PDE4B: variants seen among roughly 807,000 people sequenced by gnomAD.
PDE4B encodes the protein phosphodiesterase 4B.
PDE4B carries 20 observed loss-of-function variants against 82.2 expected under a neutral mutation model. The observed-to-expected ratio is 0.24, with a 90% CI of 0.17 to 0.35. The LOEUF (loss-of-function observed/expected upper bound fraction) is 0.35, where lower values mean the gene tolerates loss of function less well. Among genes scored for constraint, PDE4B ranks in the 10% least tolerant of loss-of-function variants. The pLI, the probability that PDE4B is intolerant of heterozygous loss-of-function variation, is 1.00. For missense variants in PDE4B, 655 were observed against 907.2 expected, an observed-to-expected ratio of 0.72 and a Z score of 3.57; for synonymous variants, 320 against 318.9, an observed-to-expected ratio of 1.00 and a Z score of -0.04.
At chr1:66,021,989 G>A (rs1033492951) in intron 3 of PDE4B, among the ~76,000 whole-genome samples, 1 of 152,018 alleles carries the variant, frequency 6.6e-6, no homozygotes, top group Non-Finnish European at 1.5e-5. Flanking sequence ...TTATTTTGTT[G>A]AGCAGTGGTT....
At position 65,882,266 on chromosome 1, in the gene PDE4B, C is replaced by T. The variant is rs377239380; in HGVS notation, c.-70-30979C>T. Among the ~76,000 whole-genome samples, 70 of 152,266 alleles carry T rather than the reference C, an allele frequency of 4.6e-4. 1 individual carries two copies. Among genetic ancestry groups the T allele is most frequent in the African/African-American group, 1.5e-3 (63 of 41,574 alleles). On this transcript the variant is annotated intron_variant, in intron 1 of 16. Coordinates refer to ENST00000341517, the MANE Select transcript of PDE4B (RefSeq NM_002600.4). ...GTGCATCTGTTGCTGACTTTAAAAA[C>T]GCAATTACTAAACTGAAGCTGTTTC...
chr1:66,239,185 T>C (rs1204849100), intron 3 of PDE4B, among the ~76,000 whole-genome samples: 1 of 152,238 alleles, frequency 6.6e-6, no homozygotes, highest in African/African-American at 2.4e-5. Flanking sequence ...ATTTTACTAA[T>C]AGAGCATTTA....
At chr1:65,912,387 C>G (rs970327308) in intron 1 of PDE4B, among the ~76,000 whole-genome samples, 1 of 152,122 alleles carries the variant, frequency 6.6e-6, no homozygotes, top group Non-Finnish European at 1.5e-5. Flanking sequence ...CTTTTACCCC[C>G]CTCCCACTCT....
intron 3 of PDE4B, among the ~76,000 whole-genome samples, chr1:65,995,417 C>G (rs1651486245): frequency 6.6e-6 from 1 of 152,012 alleles, no homozygotes; most frequent in Non-Finnish European, 1.5e-5. Flanking sequence ...AAAAATTTTG[C>G]CTTTCCCGGG....
chr1:65,794,971 A>G (rs1645614350), intron 1 of PDE4B, among the ~76,000 whole-genome samples: 1 of 152,198 alleles, frequency 6.6e-6, no homozygotes, highest in Non-Finnish European at 1.5e-5. Context: ...AAATTTCTCT[A>G]GAGAGTAACC....
At chr1:66,164,598 G>A (rs1349760386) in intron 3 of PDE4B, among the ~76,000 whole-genome samples, 29 of 124,228 alleles carry the variant, frequency 2.3e-4, no homozygotes, top group Non-Finnish European at 4.2e-4. Flanking sequence ...AGAAAGAAAA[G>A]ACCAGCGATC....
intron 16 of PDE4B, among the ~76,000 whole-genome samples, chr1:66,371,135 A>ATATATATATATATATATAT (rs1570800975): frequency 1.6e-5 from 1 of 63,704 alleles, no homozygotes; most frequent in Admixed American, 1.9e-4. Context: ...TATATATATA[A>ATATATATATATATATATAT]TTTTATTTAT....
In PDE4B at chr1:65,875,792, G is replaced by A. The variant is rs1371187438; in HGVS notation, c.-70-37453G>A. The stretch of plus-strand genomic sequence containing the variant: ...CAGGAAGGGGAACATCACACTCTGG[G>A]GACTGTGGTGGGGTGGGGGGAGGGG... On this transcript the variant is annotated intron_variant, in intron 1 of 16. Coordinates refer to ENST00000341517, the MANE Select transcript of PDE4B (RefSeq NM_002600.4). Among the ~76,000 whole-genome samples, 39 of 130,850 alleles carry A rather than the reference G, an allele frequency of 3.0e-4. 2 individuals are homozygous for A. Among genetic ancestry groups the A allele is most frequent in the African/African-American group, 1.0e-3 (36 of 35,674 alleles). The allele number at this position is 130,850 out of a possible 152,430, so 85.8% of individuals were successfully genotyped here.
At chr1:65,942,554 T>C (rs1253939814) in intron 3 of PDE4B, among the ~76,000 whole-genome samples, 1 of 151,998 alleles carries the variant, frequency 6.6e-6, no homozygotes, top group Admixed American at 6.6e-5. Context: ...AGTAGTGAGA[T>C]TTCTGGGTCA....
chr1:65,907,521 C>T (rs1236311081), intron 1 of PDE4B, among the ~76,000 whole-genome samples: 1 of 152,096 alleles, frequency 6.6e-6, no homozygotes, highest in Non-Finnish European at 1.5e-5. Flanking sequence ...GCAGTTCAGG[C>T]TCTGCTTTAT....
chr1:66,164,559 A>AAAAG (rs1187534564), intron 3 of PDE4B, among the ~76,000 whole-genome samples: 2,071 of 124,922 alleles, frequency 0.017, 26 homozygotes, highest in East Asian at 0.036. Context: ...AAAAAAAAAA[A>AAAAG]AAAGAAAGAA....
intron 1 of PDE4B, among the ~76,000 whole-genome samples, chr1:65,848,716 A>G (rs1481669272): frequency 1.3e-5 from 2 of 152,182 alleles, no homozygotes; most frequent in African/African-American, 4.8e-5. Context: ...ATGTACTAAT[A>G]GTTCATTCAT....
chr1:66,138,050 C>A (rs1646094095), intron 3 of PDE4B, among the ~76,000 whole-genome samples: 1 of 152,158 alleles, frequency 6.6e-6, no homozygotes, highest in Admixed American at 6.6e-5. Flanking sequence ...CTGACTTAAA[C>A]ACAGATATTA....
At chr1:65,854,471 G>T (rs1189400561) in intron 1 of PDE4B, among the ~76,000 whole-genome samples, 28 of 149,626 alleles carry the variant, frequency 1.9e-4, no homozygotes, top group Non-Finnish European at 3.6e-4. Flanking sequence ...TTCTGAATGT[G>T]TTTATTTTGC....
chr1:66,348,608 G>A (rs1427727270), intron 8 of PDE4B, among the ~76,000 whole-genome samples: 3 of 151,032 alleles, frequency 2.0e-5, no homozygotes, highest in African/African-American at 4.9e-5. Context: ...TGTATGGCCT[G>A]GAAATCCAAT....
chr1:65,882,616 T>A (rs1310006852), intron 1 of PDE4B, among the ~76,000 whole-genome samples: 1 of 51,404 alleles, frequency 1.9e-5, no homozygotes, highest in Non-Finnish European at 3.7e-5. Context: ...ATTTATAATG[T>A]AAGGGTACAT....
chr1:66,204,621 C>T (rs1361245347), intron 3 of PDE4B, among the ~76,000 whole-genome samples: 1 of 152,222 alleles, frequency 6.6e-6, no homozygotes, highest in Non-Finnish European at 1.5e-5. Context: ...ATCAACGAGA[C>T]TCCATGGGCG....
At chr1:66,086,437 G>A (rs1657013323) in intron 3 of PDE4B, among the ~76,000 whole-genome samples, 2 of 152,062 alleles carry the variant, frequency 1.3e-5, no homozygotes, top group South Asian at 4.1e-4. Context: ...GGCCAGGGCT[G>A]GGAATTTACT....
At chr1:65,989,952 A>AT (rs910594355) in intron 3 of PDE4B, among the ~76,000 whole-genome samples, 63 of 138,646 alleles carry the variant, frequency 4.5e-4, no homozygotes, top group Admixed American at 1.3e-3. Flanking sequence ...TGCCTTAAAC[A>AT]TTTTTTTTTT....
Sources: allele counts gnomAD v4.1 joint callset (sites outside exome capture counted in the v4.1 genomes callset), GRCh38; gene constraint gnomAD v4.1.1; transcripts MANE v1.5; gene names NCBI Gene and HGNC (gene_info 2026-07-23, HGNC 2026-07-21).